The following MCTP2 variants were observed in gnomAD, a reference collection of about 807,000 sequenced individuals.
The protein encoded by MCTP2 is multiple C2 and transmembrane domain-containing protein 2.
MCTP2 carries 132 observed loss-of-function variants against 111.6 expected under a neutral mutation model. The observed-to-expected ratio is 1.18, with a 90% CI of 1.03 to 1.37. The LOEUF is 1.37. Ranked by LOEUF, MCTP2 falls within the 40% of genes most tolerant of loss-of-function variation. The probability of loss-of-function intolerance (pLI) is 0.00; values close to 1 mark genes in which losing one functional copy is unlikely to be tolerated. For synonymous variants in MCTP2, 395 were observed against 387.7 expected (o/e 1.02, Z -0.22); for missense variants, 1,183 against 1,067.9 (o/e 1.11, Z -1.50).
At chr15:94,363,754 T>A (rs998997522) in intron 10 of MCTP2, among the ~76,000 whole-genome samples, 1 of 152,124 alleles carries the variant, frequency 6.6e-6, no homozygotes, top group Admixed American at 6.6e-5. Context: ...AAAAAGCTGA[T>A]GTTGGAATAA....
chr15:94,337,838 C>T lies in MCTP2; in HGVS notation c.638-1452C>T, dbSNP rs115408139. 1.6e-3 allele frequency among the ~76,000 whole-genome samples: 251 copies of T among 152,230 alleles called. 2 individuals are homozygous for T. Among genetic ancestry groups the T allele is most frequent in the African/African-American group, 5.5e-3 (228 of 41,536 alleles). ...TTTTTGTTTAAAGTTAGTACGCTTG[C>T]AGTACTGGAAGGCTGACTTCTCAAA... On this transcript the variant is annotated intron_variant, in intron 4 of 22. Transcript: ENST00000357742.
chr15:94,406,266 G>A (rs932041313), intron 17 of MCTP2, among the ~76,000 whole-genome samples: 3 of 152,140 alleles, frequency 2.0e-5, no homozygotes, highest in African/African-American at 7.2e-5. Context: ...AGAAAAATAA[G>A]CCTATAGAGG....
chr15:94,390,088 A>ATATATATATG (rs1567602788), intron 14 of MCTP2, among the ~76,000 whole-genome samples: 1 of 10,888 alleles, frequency 9.2e-5, no homozygotes, highest in African/African-American at 1.9e-4. Flanking sequence ...ATATATATAT[A>ATATATATATG]TGTATATATA....
intron 3 of MCTP2, among the ~76,000 whole-genome samples, 155 bp downstream of exon 3, chr15:94,314,499 T>G (rs147509971): frequency 3.6e-3 from 548 of 151,726 alleles, no homozygotes; most frequent in African/African-American, 0.012. Context: ...AAATTTTCGC[T>G]GGAGGAGATT....
At chr15:94,233,836 A>G (rs1201877606) in intron 1 of MCTP2, among the ~76,000 whole-genome samples, 2 of 152,222 alleles carry the variant, frequency 1.3e-5, no homozygotes, top group Non-Finnish European at 2.9e-5. Flanking sequence ...CTGAATTCAA[A>G]TAATATTTCT....
intron 18 of MCTP2, among the ~76,000 whole-genome samples, chr15:94,440,531 TG>T (rs1313065964): frequency 6.6e-6 from 1 of 152,216 alleles, no homozygotes; most frequent in Non-Finnish European, 1.5e-5. Context: ...CTCTGGTTCA[TG>T]GTTATCATTT....
At chr15:94,341,143 T>G (rs1310036747) in intron 7 of MCTP2, 1 of 486,114 alleles carries the variant, frequency 2.1e-6, no homozygotes, top group Non-Finnish European at 3.7e-6. Context: ...TTCTTTTGTG[T>G]TATTAAGATG....
At chr15:94,345,311 C>A (rs533754857) in intron 8 of MCTP2, 147 bp downstream of exon 8, 1 of 744,164 alleles carries the variant, frequency 1.3e-6, no homozygotes, top group East Asian at 3.0e-5. Flanking sequence ...AAGAAAACAA[C>A]CTTCCTTTAA....
chr15:94,432,139 C>T (rs927508416), intron 17 of MCTP2, among the ~76,000 whole-genome samples: 2 of 152,088 alleles, frequency 1.3e-5, no homozygotes, highest in Non-Finnish European at 2.9e-5. Flanking sequence ...AGATGTTGTT[C>T]TTGTTTCAGT....
At chr15:94,373,593 A>G (rs981411786) in intron 12 of MCTP2, among the ~76,000 whole-genome samples, 6 of 152,120 alleles carry the variant, frequency 3.9e-5, no homozygotes, top group Non-Finnish European at 7.4e-5. Flanking sequence ...TTATCTTGGC[A>G]TTTTTTAGAG....
intron 20 of MCTP2, among the ~76,000 whole-genome samples, chr15:94,467,201 C>T (rs2073424466): frequency 6.6e-6 from 1 of 152,080 alleles, no homozygotes; most frequent in African/African-American, 2.4e-5. Flanking sequence ...ATAGAGCTAA[C>T]AAAAGTTGCA....
intron 1 of MCTP2, among the ~76,000 whole-genome samples, chr15:94,268,089 A>G (rs1199225285): frequency 1.3e-5 from 2 of 150,884 alleles, no homozygotes; most frequent in African/African-American, 2.4e-5. Flanking sequence ...GATGGTCTCA[A>G]TCTCCTGACC....
chr15:94,250,475 C>G (rs2072334644), intron 1 of MCTP2, among the ~76,000 whole-genome samples: 1 of 152,154 alleles, frequency 6.6e-6, no homozygotes, highest in South Asian at 2.1e-4. Flanking sequence ...TATGGATTTT[C>G]TCTAATATAC....
At chr15:94,383,680 TG>T (rs1285528301) in intron 12 of MCTP2, among the ~76,000 whole-genome samples, 1 of 152,156 alleles carries the variant, frequency 6.6e-6, no homozygotes, top group African/African-American at 2.4e-5. Flanking sequence ...GAGAACAGTA[TG>T]GGGGAAACCG....
In MCTP2 at chr15:94,298,554, A is replaced by T. The variant is rs773394026; in HGVS notation, c.289A>T (p.Lys97Ter). 11 of 1,614,126 alleles carry T rather than the reference A, an allele frequency of 6.8e-6. No individual in the cohort carries two copies. In the South Asian group the frequency reaches 1.2e-4, roughly 18 times the overall value. ...IFPKSSSSSL[K>*]QSEEELDWSQ... is the part of the protein sequence containing the mutation. ...TCCCAAGAGCAGCAGTAGCTCCTTG[A>T]AACAGTCTGAAGAAGAATTGGATTG... The change falls in exon 2 of 23, where the codon AAA becomes TAA. Residue 97 changes from lysine to a stop codon, truncating the protein, a stop_gained. Transcript: ENST00000357742. LOFTEE classifies it high-confidence loss of function.
At chr15:94,335,275 T>C (rs1307815264) in intron 4 of MCTP2, among the ~76,000 whole-genome samples, 2 of 152,176 alleles carry the variant, frequency 1.3e-5, no homozygotes, top group Admixed American at 6.5e-5. Context: ...AGCCAAAGGC[T>C]TAAGTGGTGT....
chr15:94,414,062 C>T (rs2082268926), intron 17 of MCTP2, among the ~76,000 whole-genome samples: 1 of 152,100 alleles, frequency 6.6e-6, no homozygotes, highest in Non-Finnish European at 1.5e-5. Context: ...GTGGAGCTGC[C>T]TTGATTCTAA....
Position 94,398,999 on chromosome 15 carries a change from TAA to T in MCTP2, c.1829_1830del (p.Lys610ArgfsTer7). On this transcript the variant is annotated frameshift_variant, in exon 15 of 23. Coordinates refer to ENST00000357742, the MANE Select transcript of MCTP2 (RefSeq NM_001385001.1). LOFTEE classifies it high-confidence loss of function. ...AACCGAATTGTTATGTACTAAAGAA[TAA>T]AGATTTAGAACAAGCTTTTAAAGGA... Reference protein sequence around the residue: ...GQPNCYVLKNKDLEQAFKGVI... With the variant: ...GQPNCYVLKNXDLEQAFKGVI... 1 of 1,565,232 alleles carries T rather than the reference TAA, an allele frequency of 6.4e-7. No individual in the cohort carries two copies. The highest frequency in any genetic ancestry group is 8.8e-7 in the Non-Finnish European group (1 of 1,136,038).
At chr15:94,303,475 T>C (rs1422776465) in intron 2 of MCTP2, among the ~76,000 whole-genome samples, 1 of 152,064 alleles carries the variant, frequency 6.6e-6, no homozygotes, top group Non-Finnish European at 1.5e-5. Context: ...CAAATGTTAA[T>C]CTCTTTTAGC....
Sources: allele counts gnomAD v4.1 joint callset (sites outside exome capture counted in the v4.1 genomes callset), GRCh38; gene constraint gnomAD v4.1.1; transcripts MANE v1.5; gene names NCBI Gene and HGNC (gene_info 2026-07-23, HGNC 2026-07-21).